The following EPB41L4B variants were observed in gnomAD, a reference collection of about 807,000 sequenced individuals.
EPB41L4B encodes the protein erythrocyte membrane protein band 4.1 like 4B.
In EPB41L4B, 30 loss-of-function variants were observed where a neutral mutation model predicts 112.5. The observed-to-expected ratio is 0.27, with a 90% CI of 0.20 to 0.36. The LOEUF is 0.36. EPB41L4B is among the 10% of genes least tolerant of loss of function. The probability of loss-of-function intolerance (pLI) is 1.00; values close to 1 mark genes in which losing one functional copy is unlikely to be tolerated. For synonymous variants in EPB41L4B, 408 were observed against 439.7 expected (o/e 0.93, Z 0.90); for missense variants, 1,024 against 1,133.3 (o/e 0.90, Z 1.38).
At chr9:109,186,282 G>C (rs1832262786) in intron 22 of EPB41L4B, among the ~76,000 whole-genome samples, 1 of 151,854 alleles carries the variant, frequency 6.6e-6, no homozygotes, top group Non-Finnish European at 1.5e-5. Flanking sequence ...TTGCCTCTCA[G>C]GTTCAAGTGA....
chr9:109,305,117 C>T (rs1054179006), intron 1 of EPB41L4B, among the ~76,000 whole-genome samples: 5 of 151,030 alleles, frequency 3.3e-5, no homozygotes, highest in African/African-American at 4.9e-5. Flanking sequence ...ATAACATGTG[C>T]TAGGTCCCAC....
chr9:109,195,487 T>A (rs1319144325), intron 20 of EPB41L4B, among the ~76,000 whole-genome samples: 1 of 152,150 alleles, frequency 6.6e-6, no homozygotes, highest in Non-Finnish European at 1.5e-5. Flanking sequence ...AATAAGTACA[T>A]GGAAAAATTA....
chr9:109,254,340 C>G (rs745906735), intron 11 of EPB41L4B, among the ~76,000 whole-genome samples: 1 of 152,196 alleles, frequency 6.6e-6, no homozygotes, highest in Non-Finnish European at 1.5e-5. Flanking sequence ...TCCACAGGAC[C>G]CTGGGATTTG....
chr9:109,240,340 T>C (rs1268455834), intron 15 of EPB41L4B: 2 of 985,326 alleles, frequency 2.0e-6, no homozygotes, highest in Non-Finnish European at 2.4e-6. Context: ...TCAGCTCCAC[T>C]GTGCAAGGTA....
intron 19 of EPB41L4B, among the ~76,000 whole-genome samples, chr9:109,201,049 C>T (rs770905168): frequency 6.6e-6 from 1 of 152,156 alleles, no homozygotes; most frequent in Non-Finnish European, 1.5e-5. Context: ...CTAGGACCAA[C>T]AAGGCATCAA....
intron 1 of EPB41L4B, among the ~76,000 whole-genome samples, chr9:109,286,250 A>G (rs1366666728): frequency 6.6e-6 from 1 of 151,756 alleles, no homozygotes. Context: ...GATGGATGTG[A>G]ATGGAAGGAT....
intron 22 of EPB41L4B, among the ~76,000 whole-genome samples, chr9:109,192,051 C>A (rs906411927): frequency 1.3e-5 from 2 of 152,142 alleles, no homozygotes; most frequent in African/African-American, 4.8e-5. Context: ...ATGGGCAGGA[C>A]CCCCACAACT....
intron 11 of EPB41L4B, 88 bp downstream of exon 11, chr9:109,255,423 A>G (rs1834939762): frequency 6.7e-7 from 1 of 1,495,670 alleles, no homozygotes; most frequent in Admixed American, 1.9e-5. Flanking sequence ...TCTGGACTCA[A>G]ATCCACTACT....
chr9:109,278,428 C>T (rs1223253910), intron 2 of EPB41L4B, among the ~76,000 whole-genome samples: 2 of 152,144 alleles, frequency 1.3e-5, no homozygotes, highest in Admixed American at 6.5e-5. Context: ...AATCTGTCAC[C>T]GAAGGACTCA....
Position 109,255,492 on chromosome 9 carries a change from T to G in EPB41L4B, c.1169+19A>C. ...CTCCTTCAGAAGACGTGATCCGTGT[T>G]GCAGAAATGGCTCCCTACCTGAATC... On this transcript the variant is annotated intron_variant, in intron 11 of 25. Coordinates refer to ENST00000374566, the MANE Select transcript of EPB41L4B (RefSeq NM_019114.5). 1 of 1,611,914 alleles carries G rather than the reference T, an allele frequency of 6.2e-7. No homozygotes were observed. The highest frequency in any genetic ancestry group is 1.1e-5 in the South Asian group (1 of 91,028).
At chr9:109,228,738 A>G (rs1174745452) in intron 15 of EPB41L4B, among the ~76,000 whole-genome samples, 1 of 152,208 alleles carries the variant, frequency 6.6e-6, no homozygotes, top group Non-Finnish European at 1.5e-5. Flanking sequence ...TTTTTGCCCC[A>G]ACTGAAGTGA....
chr9:109,275,726 C>A (rs748238746), intron 2 of EPB41L4B, among the ~76,000 whole-genome samples: 1 of 152,142 alleles, frequency 6.6e-6, no homozygotes, highest in Non-Finnish European at 1.5e-5. Context: ...ACACTACCTC[C>A]ACTTTACAGC....
intron 14 of EPB41L4B, among the ~76,000 whole-genome samples, chr9:109,244,401 A>T (rs1399674085): frequency 6.8e-6 from 1 of 147,934 alleles, no homozygotes; most frequent in Non-Finnish European, 1.5e-5. Context: ...AGGAAGAAAG[A>T]GAAAGAAGAG....
intron 14 of EPB41L4B, among the ~76,000 whole-genome samples, chr9:109,244,400 G>C (rs925070664): frequency 3.6e-4 from 49 of 137,330 alleles, no homozygotes; most frequent in Middle Eastern, 3.9e-3. Flanking sequence ...AAGGAAGAAA[G>C]AGAAAGAAGA....
chr9:109,173,060 C>T lies in EPB41L4B; in HGVS notation c.*1494G>A, dbSNP rs1455402000. 1 of 152,562 alleles carries T rather than the reference C, an allele frequency of 6.6e-6. No homozygotes were observed. Among genetic ancestry groups the T allele is most frequent in the Non-Finnish European group, 1.5e-5 (1 of 68,034 alleles). 9.5% of individuals were successfully genotyped at this position (152,562 alleles called of 1,614,324 possible). A position where few individuals can be genotyped will look rare whatever the true frequency, so the allele number is the denominator to read the frequency against. ...AATCATCACATGGAAAAGTGCTCAG[C>T]CTTGCTAGCAATTAATGAAATAAAA... is the stretch of plus-strand genomic sequence containing the variant. On this transcript the variant is annotated 3_prime_UTR_variant, in exon 26 of 26. Coordinates refer to ENST00000374566, the MANE Select transcript of EPB41L4B (RefSeq NM_019114.5).
chr9:109,193,564 A>G lies in EPB41L4B; in HGVS notation c.2223+656T>C, dbSNP rs1172192067. 3.9e-5 allele frequency among the ~76,000 whole-genome samples: 6 copies of G among 152,224 alleles called. No individual in the cohort carries two copies. In the East Asian group the frequency reaches 1.2e-3, roughly 29 times the overall value. On this transcript the variant is annotated intron_variant, in intron 21 of 25. Coordinates refer to ENST00000374566, the MANE Select transcript of EPB41L4B (RefSeq NM_019114.5). The stretch of plus-strand genomic sequence containing the variant: ...TGCCTTCAGGGCACCTGCCTCCTGC[A>G]CGCACCTTTTCTCTGTGTAGTCACA...
At chr9:109,307,513 C>T (rs999472231) in intron 1 of EPB41L4B, among the ~76,000 whole-genome samples, 1 of 152,184 alleles carries the variant, frequency 6.6e-6, no homozygotes, top group African/African-American at 2.4e-5. Context: ...CCTCCCTGGA[C>T]TTTAACCAGC....
At chr9:109,177,246 C>T (rs1198954840) in intron 24 of EPB41L4B, among the ~76,000 whole-genome samples, 1 of 151,956 alleles carries the variant, frequency 6.6e-6, no homozygotes, top group Admixed American at 6.6e-5. Flanking sequence ...AAGTATGGGC[C>T]CCAGACTAGC....
At chr9:109,305,690 C>T (rs190831295) in intron 1 of EPB41L4B, among the ~76,000 whole-genome samples, 5 of 150,050 alleles carry the variant, frequency 3.3e-5, no homozygotes, top group East Asian at 4.0e-4. Flanking sequence ...TGGGAGGCTG[C>T]GGTGGGCGGA....
Sources: gnomAD v4.1 joint callset for allele counts (sites outside exome capture counted in the v4.1 genomes callset) on GRCh38, gnomAD v4.1.1 for gene constraint, MANE v1.5 for transcripts, NCBI Gene and HGNC (gene_info 2026-07-23, HGNC 2026-07-21) for gene names.